The following DNAH8 variants were observed in gnomAD, a reference collection of about 807,000 sequenced individuals.
DNAH8 encodes the protein axonemal beta dynein heavy chain 8.
Under a neutral mutation model 562.1 loss-of-function variants are expected in DNAH8, and 382 were observed. That is an observed-to-expected ratio of 0.68 (90% CI 0.63 to 0.74). The LOEUF (loss-of-function observed/expected upper bound fraction) is 0.74. Among genes scored for constraint, DNAH8 ranks in the 30% least tolerant of loss-of-function variants. The pLI, the probability that DNAH8 is intolerant of heterozygous loss-of-function variation, is 0.00. For missense variants in DNAH8, 5,203 were observed against 5,620.4 expected, an observed-to-expected ratio of 0.93 and a Z score of 2.37; for synonymous variants, 1,881 against 1,919.4, an observed-to-expected ratio of 0.98 and a Z score of 0.52.
At chr6:38,848,155 A>G (rs1307575346) in intron 36 of DNAH8, among the ~76,000 whole-genome samples, 1 of 152,162 alleles carries the variant, frequency 6.6e-6, no homozygotes, top group Admixed American at 6.5e-5. Flanking sequence ...CCCTTTAGAG[A>G]TAGTCTGTCT....
rs45600141 is a variant in DNAH8 at position 39,026,553 on chromosome 6, C to G, written c.13722C>G (p.Leu4574=). The stretch of plus-strand genomic sequence containing the variant: ...CTTCTTTTTTTCTTTAAGGCTTCCT[C>G]ACAGCAATGAGGCAAGAAGTGACCC... ...MTGFFNPQGF[L]TAMRQEVTRA... Residue 4574 remains leucine, a synonymous_variant, in exon 92 of 93, where the codon CTC becomes CTG. Coordinates refer to ENST00000327475, the MANE Select transcript of DNAH8 (RefSeq NM_001206927.2). 1,243 of 1,608,372 alleles carry G rather than the reference C, an allele frequency of 7.7e-4. 1 individual carries two copies. The highest frequency in any genetic ancestry group is 9.3e-4 in the Non-Finnish European group (1,101 of 1,178,156).
chr6:38,853,462 G>C (rs975178653), intron 41 of DNAH8, 115 bp downstream of exon 41: 1 of 1,166,934 alleles, frequency 8.6e-7, no homozygotes, highest in Non-Finnish European at 1.2e-6. Context: ...AATTAGGTTA[G>C]AGTGGCCTAC....
chr6:38,987,009 T>G (rs1188393375), intron 87 of DNAH8, among the ~76,000 whole-genome samples: 1 of 152,192 alleles, frequency 6.6e-6, no homozygotes, highest in East Asian at 1.9e-4. Context: ...CACATCTAAG[T>G]GCTCAGTAAA....
chr6:38,753,855 G>C (rs1463489064), intron 9 of DNAH8, among the ~76,000 whole-genome samples: 2 of 152,078 alleles, frequency 1.3e-5, no homozygotes, highest in Non-Finnish European at 2.9e-5. Flanking sequence ...ATGTAGGAAG[G>C]TTTCAAGCAT....
chr6:38,901,636 T>C (rs763224885), intron 62 of DNAH8, among the ~76,000 whole-genome samples: 3 of 152,184 alleles, frequency 2.0e-5, no homozygotes, highest in African/African-American at 4.8e-5. Flanking sequence ...TCTCTAACTT[T>C]GTTGTTCTTC....
intron 13 of DNAH8, among the ~76,000 whole-genome samples, chr6:38,776,770 G>A (rs1432853791): frequency 6.6e-6 from 1 of 152,180 alleles, no homozygotes; most frequent in Non-Finnish European, 1.5e-5. Context: ...TAGTCAGAAA[G>A]TATGTCAGAT....
intron 11 of DNAH8, among the ~76,000 whole-genome samples, chr6:38,767,645 G>A (rs928880973): frequency 6.6e-6 from 1 of 152,116 alleles, no homozygotes; most frequent in African/African-American, 2.4e-5. Context: ...CTTTATAGCT[G>A]AGTAATATAT....
Position 38,814,046 on chromosome 6 carries a change from C to T in DNAH8, c.3258-8C>T. 6.4e-7 allele frequency: 1 copy of T among 1,574,536 alleles called. No individual in the cohort carries two copies. Among genetic ancestry groups the T allele is most frequent in the Non-Finnish European group, 8.7e-7 (1 of 1,147,248 alleles). ...AGGTTCATCAGCTAAATGTCCATCT[C>T]ATTGCAGCCTTTATGGGCGAAAGCA... On this transcript the variant is annotated splice_region_variant and splice_polypyrimidine_tract_variant and intron_variant, in intron 24 of 92. Coordinates refer to ENST00000327475, the MANE Select transcript of DNAH8 (RefSeq NM_001206927.2).
chr6:38,942,001 A>G (rs1482520571), intron 79 of DNAH8, among the ~76,000 whole-genome samples: 1 of 152,134 alleles, frequency 6.6e-6, no homozygotes, highest in Non-Finnish European at 1.5e-5. Flanking sequence ...TTTATGAAAG[A>G]GGCCTGAGGG....
At chr6:38,973,851 A>G (rs1165717541) in intron 84 of DNAH8, 38 bp downstream of exon 84, 1 of 1,523,818 alleles carries the variant, frequency 6.6e-7, no homozygotes, top group African/African-American at 1.4e-5. Flanking sequence ...GAGTCATAGT[A>G]ATAAAGATGA....
chr6:38,976,764 A>G (rs1251870771), intron 85 of DNAH8, among the ~76,000 whole-genome samples: 1 of 150,168 alleles, frequency 6.7e-6, no homozygotes, highest in Non-Finnish European at 1.5e-5. Context: ...AGAGCCAAAC[A>G]TCTGATTTGT....
rs1322197957 is a variant in DNAH8 at position 38,786,827 on chromosome 6, C to T, written c.2458C>T (p.Pro820Ser). ...ETGKLLVNFD[P>S]KILEVVRETK... ...AGGGAAGTTGCTGGTTAATTTCGAT[C>T]CCAAAATTTTGGAAGTTGTTCGGGA... The change falls in exon 18 of 93, where the codon CCC becomes TCC. Residue 820 changes from proline to serine, a missense_variant. Pro to Ser is a moderately conservative substitution (Grantham distance 74, BLOSUM62 -1). Around this residue, in one of 6 missense-constraint regions of DNAH8, gnomAD observed 2,176 missense variants for 2,365.1 expected, o/e 0.92. Transcript: ENST00000327475. The T allele has an allele frequency of 6.2e-7, 1 of 1,613,168 alleles. No homozygotes were observed. Among genetic ancestry groups the T allele is most frequent in the African/African-American group, 1.3e-5 (1 of 74,950 alleles).
At chr6:38,883,200 A>G (rs1406298062) in intron 54 of DNAH8, 122 bp from the exon 55 acceptor site, 1 of 1,345,252 alleles carries the variant, frequency 7.4e-7, no homozygotes, top group African/African-American at 1.5e-5. Context: ...GGTAGATGCA[A>G]TTCTAAAAAG....
rs1747043126 is a variant in DNAH8 at position 38,973,688 on chromosome 6, C to A, written c.12553C>A (p.His4185Asn). The change falls in exon 84 of 93, where the codon CAC becomes AAC. Residue 4185 changes from histidine (H) to asparagine (N), a missense_variant. Physicochemically the swap from His to Asn is moderately conservative, Grantham distance 68. Transcript: ENST00000327475. ...TGGTTGGGTATTACTACAAAATTGC[C>A]ACCTTGGCCTGGAATTCATGGAAGA... The part of the protein sequence containing the change: ...QGGWVLLQNC[H>N]LGLEFMEELL... 1 of 1,601,398 alleles carries A rather than the reference C, an allele frequency of 6.2e-7. No individual in the cohort carries two copies. Among genetic ancestry groups the A allele is most frequent in the East Asian group, 2.3e-5 (1 of 43,990 alleles).
At chr6:38,777,164 T>A (rs1173183987) in intron 13 of DNAH8, among the ~76,000 whole-genome samples, 1 of 152,168 alleles carries the variant, frequency 6.6e-6, no homozygotes, top group Non-Finnish European at 1.5e-5. Flanking sequence ...TATGAAGATA[T>A]ATTATATTTT....
intron 83 of DNAH8, among the ~76,000 whole-genome samples, chr6:38,972,257 A>G (rs1041696432): frequency 3.9e-5 from 6 of 152,148 alleles, no homozygotes; most frequent in Non-Finnish European, 8.8e-5. Context: ...TATAAAAATA[A>G]AATAAGATAT....
At chr6:38,888,677 C>G (rs1412048197) in intron 57 of DNAH8, among the ~76,000 whole-genome samples, 1 of 152,146 alleles carries the variant, frequency 6.6e-6, no homozygotes, top group African/African-American at 2.4e-5. Context: ...ATGAGAAACA[C>G]CAAGCGATAC....
rs1783114965 is a variant in DNAH8, at chr6:38,938,096, GAGGAGTTCCGGCCCGC to G, written c.11689_11704del (p.Glu3897ProfsTer14). On this transcript the variant is annotated frameshift_variant, in exon 78 of 93. Transcript: ENST00000327475. LOFTEE classifies it high-confidence loss of function. ...TGAGATCAAGATCAACGCGGCTCAG[GAGGAGTTCCGGCCCGC>G]AGCCACCCGCGGAAGCATCCTCTAC... 6.2e-7 allele frequency: 1 copy of G among 1,613,884 alleles called. No homozygotes were observed. The highest frequency in any genetic ancestry group is 1.1e-5 in the South Asian group (1 of 91,076).
intron 9 of DNAH8, among the ~76,000 whole-genome samples, chr6:38,754,894 A>G (rs549423781): frequency 6.6e-6 from 1 of 152,208 alleles, no homozygotes; most frequent in South Asian, 2.1e-4. Flanking sequence ...GTGACTTGAT[A>G]CTACCTTAAA....
Sources: gnomAD v4.1 joint callset for allele counts (sites outside exome capture counted in the v4.1 genomes callset) on GRCh38, gnomAD v4.1.1 for gene constraint, gnomAD v4.1.1 regional missense constraint, MANE v1.5 for transcripts, NCBI Gene and HGNC (gene_info 2026-07-23, HGNC 2026-07-21) for gene names.